Variants in FOXK1 observed in about 807,000 individuals in gnomAD.
FOXK1 encodes the protein forkhead box protein K1.
Under a neutral mutation model 51.9 loss-of-function variants are expected in FOXK1, and 19 were observed. That is an observed-to-expected ratio of 0.37 (90% confidence interval 0.26 to 0.54). FOXK1 has a LOEUF of 0.54. FOXK1 is among the 20% of genes least tolerant of loss of function. FOXK1 has a pLI of 0.87. For synonymous variants in FOXK1, 537 were observed against 482.6 expected (o/e 1.11, Z -1.48); for missense variants, 870 against 1,032.7 (o/e 0.84, Z 2.16).
chr7:4,747,745 G>C lies in FOXK1; in HGVS notation c.747-6714G>C, dbSNP rs1472547712. Among the ~76,000 whole-genome samples the C allele has an allele frequency of 6.6e-6, 1 of 151,968 alleles. No homozygotes were observed. Among genetic ancestry groups the C allele is most frequent in the Non-Finnish European group, 1.5e-5 (1 of 68,022 alleles). On this transcript the variant is annotated intron_variant, in intron 2 of 8. Transcript: ENST00000328914. This position sits in a 1 kb window ranked among gnomAD's most constrained non-coding sequence, Gnocchi z 9.2. ...TTGAGATGGTGTCTTGCCCAGGCTG[G>C]TCCTGAACTCCTGGCCTCAAGCAGT...
At position 4,758,997 on chromosome 7, in the gene FOXK1, C is replaced by T; in HGVS notation, c.1245-54C>T. ...GAGATGCGTGATGTCTCGGAAACGT[C>T]CTCGCATCCCTCAGCGCGGGCGCTG... On this transcript the variant is annotated intron_variant, in intron 5 of 8. Transcript: ENST00000328914. The surrounding 1 kb of genome is among the most constrained non-coding windows in gnomAD (Gnocchi z 4.4). The T allele has an allele frequency of 1.3e-6, 2 of 1,517,838 alleles. No individual in the cohort carries two copies. The highest frequency in any genetic ancestry group is 2.6e-5 in the South Asian group (2 of 77,634). The allele number at this position is 1,517,838 out of a possible 1,614,324, so 94.0% of individuals were successfully genotyped here.
rs1357066057 is a variant in FOXK1 at position 4,759,326 on chromosome 7, C to G, written c.1427C>G (p.Ala476Gly). The change falls in exon 7 of 9, where the codon GCC becomes GGC. Residue 476 changes from alanine (A) to glycine (G), a missense_variant. Coordinates refer to ENST00000328914, the MANE Select transcript of FOXK1 (RefSeq NM_001037165.2). ...CTCCGTGCAGGCTCCCCCGTCAGCG[C>G]CCAGCCAGTGATCATGGCCGTGCCT... Reference protein sequence around the residue: ...SQSAPGSPVSAQPVIMAVPPR... With the variant: ...SQSAPGSPVSGQPVIMAVPPR... The G allele has an allele frequency of 6.2e-7, 1 of 1,601,144 alleles. No homozygotes were observed. The highest frequency in any genetic ancestry group is 1.3e-5 in the African/African-American group (1 of 74,960).
At position 4,759,231 on chromosome 7, in the gene FOXK1, G is replaced by A. The variant is rs1481662908; in HGVS notation, c.1411+14G>A. The A allele has an allele frequency of 1.2e-6, 2 of 1,611,464 alleles. No individual in the cohort carries two copies. Among genetic ancestry groups the A allele is most frequent in the Non-Finnish European group, 1.7e-6 (2 of 1,179,770 alleles). The stretch of plus-strand genomic sequence containing the variant: ...AAAGCGCACCCGGTAAGGAGCGGGC[G>A]GCCCTCTTGCGGGGCGGGGCGGGGC... On this transcript the variant is annotated intron_variant, in intron 6 of 8. Transcript: ENST00000328914.
At chr7:4,759,722 C>A in intron 7 of FOXK1, 127 bp downstream of exon 7, 1 of 1,142,982 alleles carries the variant, frequency 8.7e-7, no homozygotes, top group South Asian at 1.6e-5. Context: ...TTCTGCCTCT[C>A]GCTGCCTTGT....
chr7:4,706,807 G>A (rs946273242), intron 1 of FOXK1, among the ~76,000 whole-genome samples: 4 of 152,172 alleles, frequency 2.6e-5, no homozygotes, highest in East Asian at 3.9e-4. Context: ...CGCTGACCCC[G>A]GAGTTGGGCT....
chr7:4,744,609 G>A (rs189227713), intron 2 of FOXK1, among the ~76,000 whole-genome samples: 2 of 152,390 alleles, frequency 1.3e-5, no homozygotes, highest in East Asian at 3.9e-4. Flanking sequence ...TGGGAGTAAA[G>A]AAATTGTGTA....
chr7:4,724,761 CG>C (rs1780357006), intron 1 of FOXK1, among the ~76,000 whole-genome samples: 1 of 152,136 alleles, frequency 6.6e-6, no homozygotes, highest in Non-Finnish European at 1.5e-5. Flanking sequence ...GCCAGTGCCC[CG>C]GTCATTATGT....
intron 1 of FOXK1, among the ~76,000 whole-genome samples, chr7:4,712,655 C>CCAG (rs1297352092): frequency 1.3e-4 from 20 of 152,126 alleles, no homozygotes; most frequent in Non-Finnish European, 2.8e-4. Context: ...TTTAAGTGTA[C>CCAG]CAGCGATCAG....
At chr7:4,708,319 C>T (rs1055203987) in intron 1 of FOXK1, among the ~76,000 whole-genome samples, 1 of 152,160 alleles carries the variant, frequency 6.6e-6, no homozygotes, top group Non-Finnish European at 1.5e-5. Flanking sequence ...GTGACCCCAG[C>T]CGCCCTTAGG....
intron 6 of FOXK1, 28 bp downstream of exon 6, chr7:4,759,245 G>A (rs1255973737): frequency 3.7e-6 from 6 of 1,608,946 alleles, no homozygotes; most frequent in South Asian, 1.1e-5. Flanking sequence ...CTCTTGCGGG[G>A]CGGGGCGGGG....
At position 4,696,598 on chromosome 7, in the gene FOXK1, G is replaced by A. The variant is rs28660578; in HGVS notation, c.560+13730G>A. Among the ~76,000 whole-genome samples, 797 of 152,304 alleles carry A rather than the reference G, an allele frequency of 5.2e-3. 9 individuals carry two copies. Among genetic ancestry groups the A allele is most frequent in the African/African-American group, 0.019 (774 of 41,566 alleles). On this transcript the variant is annotated intron_variant, in intron 1 of 8. Transcript: ENST00000328914. ...GTCTCCCAGAAGCTGCGAGTCCCTC[G>A]AGGGCAGGGGCTGGTTCTTTCGGGA... is the stretch of plus-strand genomic sequence containing the variant.
At position 4,722,298 on chromosome 7, in the gene FOXK1, C is replaced by G. The variant is rs1308486792; in HGVS notation, c.561-18540C>G. ...GCGTCCCTGCCTCAGATTCCAAAATCTGTTGTTCTAGAAACTCTCTAAGGT... is the reference window on the plus strand; with the variant it reads ...GCGTCCCTGCCTCAGATTCCAAAATGTGTTGTTCTAGAAACTCTCTAAGGT... On this transcript the variant is annotated intron_variant, in intron 1 of 8. Transcript: ENST00000328914. The surrounding 1 kb of genome is among the most constrained non-coding windows in gnomAD (Gnocchi z 5.1). Among the ~76,000 whole-genome samples, 1 of 152,238 alleles carries G rather than the reference C, an allele frequency of 6.6e-6. No homozygotes were observed. Among genetic ancestry groups the G allele is most frequent in the African/African-American group, 2.4e-5 (1 of 41,458 alleles).
rs113489857 is a variant in FOXK1, at chr7:4,713,806, GTTTTTTCT to G, written c.561-27012_561-27005del. 5.0e-3 allele frequency among the ~76,000 whole-genome samples: 756 copies of G among 151,486 alleles called. 4 individuals are homozygous for G. The highest frequency in any genetic ancestry group is 8.4e-3 in the African/African-American group (347 of 41,298). ...CACCCAGCCCCGTGTTTTCTTTTGA[GTTTTTTCT>G]TTTTTTCTTTTTTTCTTTTCTTTTT... On this transcript the variant is annotated intron_variant, in intron 1 of 8. Coordinates refer to ENST00000328914, the MANE Select transcript of FOXK1 (RefSeq NM_001037165.2).
chr7:4,687,472 T>C (rs1276451607), intron 1 of FOXK1, among the ~76,000 whole-genome samples: 1 of 151,970 alleles, frequency 6.6e-6, no homozygotes, highest in Non-Finnish European at 1.5e-5. Context: ...TTTGTATTTC[T>C]AGGAGAGACG....
intron 1 of FOXK1, among the ~76,000 whole-genome samples, chr7:4,691,216 C>T (rs1360298823): frequency 1.3e-5 from 2 of 152,200 alleles, no homozygotes; most frequent in East Asian, 3.8e-4. Context: ...TCCTCGGATG[C>T]TGTGAAGATG....
rs1383350670 is a variant in FOXK1 at position 4,749,141 on chromosome 7, C to A, written c.747-5318C>A. Among the ~76,000 whole-genome samples the A allele has an allele frequency of 1.3e-5, 2 of 152,140 alleles. No individual in the cohort carries two copies. Among genetic ancestry groups the A allele is most frequent in the African/African-American group, 2.4e-5 (1 of 41,444 alleles). ...ATTTGTATTTCTCTTCTTTTGAATT[C>A]TTATTTTTTAATTTGAAGAGCGTGT... On this transcript the variant is annotated intron_variant, in intron 2 of 8. Transcript: ENST00000328914. This position sits in a 1 kb window ranked among gnomAD's most constrained non-coding sequence, Gnocchi z 6.0.
intron 1 of FOXK1, among the ~76,000 whole-genome samples, chr7:4,727,513 C>T (rs1166213506): frequency 1.3e-5 from 2 of 152,098 alleles, no homozygotes; most frequent in African/African-American, 4.8e-5. Context: ...ACCCGTTTCA[C>T]CATGTTGGCC....
rs867731857 is a variant in FOXK1 at position 4,762,334 on chromosome 7, C to A, written c.2072C>A (p.Ser691Tyr). 1.3e-6 allele frequency: 2 copies of A among 1,550,820 alleles called. No individual in the cohort carries two copies. Among genetic ancestry groups the A allele is most frequent in the African/African-American group, 1.4e-5 (1 of 73,042 alleles). ...TTTPATATTA[S>Y]ASASSTGEPE... ...ACCCCAGCCACTGCCACCACCGCCT[C>A]TGCCTCCGCCTCTTCCACTGGAGAG... is the stretch of plus-strand genomic sequence containing the variant. The change falls in exon 9 of 9, where the codon TCT (serine) becomes TAT (tyrosine). Residue 691 changes from serine (S) to tyrosine (Y), a missense_variant. Physicochemically the swap from Ser to Tyr is moderately radical, Grantham distance 144. Coordinates refer to ENST00000328914, the MANE Select transcript of FOXK1 (RefSeq NM_001037165.2). The surrounding 1 kb of genome is among the most constrained non-coding windows in gnomAD (Gnocchi z 5.7).
Position 4,683,981 on chromosome 7 carries a change from C to A in FOXK1, c.560+1113C>A, listed in dbSNP as rs149712497. Among the ~76,000 whole-genome samples the A allele has an allele frequency of 2.0e-5, 3 of 152,108 alleles. No homozygotes were observed. The highest frequency in any genetic ancestry group is 4.4e-5 in the Non-Finnish European group (3 of 68,026). On this transcript the variant is annotated intron_variant, in intron 1 of 8. Coordinates refer to ENST00000328914, the MANE Select transcript of FOXK1 (RefSeq NM_001037165.2). This position sits in a 1 kb window ranked among gnomAD's most constrained non-coding sequence, Gnocchi z 4.5. ...AGATCAAATTAGATTCCCCCGGGCC[C>A]GAGGTCACCAGGGCAGAGAGACCCA...
Sources: gnomAD v4.1 joint callset for allele counts (sites outside exome capture counted in the v4.1 genomes callset) on GRCh38, gnomAD v4.1.1 for gene constraint, Gnocchi (gnomAD v3.1) non-coding constraint, MANE v1.5 for transcripts, NCBI Gene and HGNC (gene_info 2026-07-23, HGNC 2026-07-21) for gene names.